The following SEC63 variants were observed in gnomAD, a reference collection of about 807,000 sequenced individuals.
SEC63 encodes the protein translocation protein SEC63 homolog.
In SEC63, 56 loss-of-function variants were observed where a neutral mutation model predicts 116.2. The observed-to-expected ratio is 0.48, with a 90% CI of 0.39 to 0.60. SEC63 has a LOEUF of 0.60. SEC63 is among the 20% of genes least tolerant of loss of function. The pLI is 0.00. For synonymous variants in SEC63, 273 were observed against 294.6 expected (o/e 0.93, Z 0.75); for missense variants, 668 against 900.0 (o/e 0.74, Z 3.30).
chr6:107,899,241 C>A (rs1023373078), intron 13 of SEC63, among the ~76,000 whole-genome samples: 1 of 152,182 alleles, frequency 6.6e-6, no homozygotes, highest in Non-Finnish European at 1.5e-5. Flanking sequence ...TTCTTCTACT[C>A]CTCCTTCACC....
Position 107,871,429 on chromosome 6 carries a change from A to G in SEC63, c.*275T>C, listed in dbSNP as rs528561785. ...ACTGATCAGATAATACATAGCCCAC[A>G]CTTCTGGACAGTTATAATAACAAAG... On this transcript the variant is annotated 3_prime_UTR_variant, in exon 21 of 21. Transcript: ENST00000369002. 8.0e-5 allele frequency: 35 copies of G among 438,400 alleles called. No homozygotes were observed. The highest frequency in any genetic ancestry group is 2.8e-4 in the Admixed American group (8 of 28,746). The allele number at this position is 438,400 out of a possible 1,614,324, so 27.2% of individuals were successfully genotyped here.
chr6:107,916,736 T>C (rs1787408682), intron 4 of SEC63, among the ~76,000 whole-genome samples: 1 of 152,222 alleles, frequency 6.6e-6, no homozygotes, highest in Admixed American at 6.5e-5. Flanking sequence ...TATGTGATCT[T>C]TGACATTTCT....
chr6:107,881,334 G>T, intron 17 of SEC63, 84 bp from the exon 18 acceptor site: 2 of 892,540 alleles, frequency 2.2e-6, no homozygotes, highest in African/African-American at 1.7e-5. Context: ...TCCTGACAAT[G>T]CTAATTAACT....
intron 16 of SEC63, among the ~76,000 whole-genome samples, chr6:107,883,964 A>C (rs529417497): frequency 6.6e-6 from 1 of 152,102 alleles, no homozygotes; most frequent in African/African-American, 2.4e-5. Flanking sequence ...AAGAAAGCAG[A>C]AACAGGCGGG....
chr6:107,903,201 A>G (rs1787048566), intron 11 of SEC63, among the ~76,000 whole-genome samples: 3 of 152,194 alleles, frequency 2.0e-5, no homozygotes. Context: ...AGCAACAACC[A>G]TTGATTTAAA....
chr6:107,909,952 T>C (rs1030715895), intron 7 of SEC63, among the ~76,000 whole-genome samples: 17 of 152,178 alleles, frequency 1.1e-4, no homozygotes, highest in African/African-American at 3.6e-4. Context: ...TTTTAAAAAA[T>C]GAGGCTTTTC....
chr6:107,921,376 T>C (rs1244727923), intron 4 of SEC63, among the ~76,000 whole-genome samples: 1 of 152,130 alleles, frequency 6.6e-6, no homozygotes, highest in Non-Finnish European at 1.5e-5. Flanking sequence ...CCCTAAATGA[T>C]AGACTCAACA....
intron 1 of SEC63, among the ~76,000 whole-genome samples, chr6:107,950,431 C>T (rs1015574098): frequency 8.5e-5 from 13 of 152,124 alleles, no homozygotes; most frequent in African/African-American, 3.1e-4. Context: ...ATCTAACAGA[C>T]ATATACAACG....
chr6:107,887,754 A>G (rs1786568521), intron 16 of SEC63, among the ~76,000 whole-genome samples: 1 of 152,128 alleles, frequency 6.6e-6, no homozygotes, highest in Non-Finnish European at 1.5e-5. Flanking sequence ...ATAACTAAAA[A>G]AAAAATTTTT....
rs146356790 is a variant in SEC63, at chr6:107,951,330, T to G, written c.124+6556A>C. ...TTAATAGACAACTATGATAAACTGA[T>G]TGTAAACTTGTATCATTAAAGTTGT... On this transcript the variant is annotated intron_variant, in intron 1 of 20. Transcript: ENST00000369002. Among the ~76,000 whole-genome samples the G allele has an allele frequency of 1.1e-3, 164 of 152,348 alleles. 3 individuals carry two copies. Among genetic ancestry groups the G allele is most frequent in the Admixed American group, 7.8e-3 (120 of 15,298 alleles).
At chr6:107,930,627 G>T (rs1015015986) in intron 1 of SEC63, among the ~76,000 whole-genome samples, 12 of 151,058 alleles carry the variant, frequency 7.9e-5, no homozygotes, top group African/African-American at 2.9e-4. Flanking sequence ...AAAAAAAAAA[G>T]TAGAGTAAAA....
chr6:107,884,350 G>A (rs1583726731), intron 16 of SEC63, among the ~76,000 whole-genome samples: 1 of 150,228 alleles, frequency 6.7e-6, no homozygotes, highest in Admixed American at 6.6e-5. Context: ...TAAACCCCTA[G>A]GCAAGAATGA....
rs762468626 is a variant in SEC63, at chr6:107,904,604, A to T, written c.1054+25T>A. ...ATATGCTTGCAAGAAAAAGTATAACATAATTAACTATATTTCCTCCTCACC... is the reference window on the plus strand; with the variant it reads ...ATATGCTTGCAAGAAAAAGTATAACTTAATTAACTATATTTCCTCCTCACC... On this transcript the variant is annotated intron_variant, in intron 11 of 20. Transcript: ENST00000369002. The T allele has an allele frequency of 1.8e-5, 28 of 1,539,158 alleles. 1 individual carries two copies. In the South Asian group the frequency reaches 2.3e-4, roughly 13 times the overall value.
intron 13 of SEC63, among the ~76,000 whole-genome samples, chr6:107,900,622 T>C (rs1216152115): frequency 6.6e-6 from 1 of 152,178 alleles, no homozygotes; most frequent in African/African-American, 2.4e-5. Context: ...CACTCCAGCC[T>C]GGACGACAGA....
intron 1 of SEC63, among the ~76,000 whole-genome samples, chr6:107,953,131 G>A (rs371362940): frequency 2.2e-4 from 34 of 152,120 alleles, no homozygotes; most frequent in East Asian, 7.7e-4. Context: ...ATGGTGGCTC[G>A]CGCCAGTTTT....
chr6:107,941,670 A>T (rs1289423668), intron 1 of SEC63, among the ~76,000 whole-genome samples: 1 of 152,240 alleles, frequency 6.6e-6, no homozygotes, highest in Non-Finnish European at 1.5e-5. Flanking sequence ...AGAGTTGGCG[A>T]GGTTGAACGT....
intron 1 of SEC63, among the ~76,000 whole-genome samples, chr6:107,955,237 T>C (rs951955431): frequency 1.3e-5 from 2 of 152,126 alleles, no homozygotes; most frequent in African/African-American, 4.8e-5. Flanking sequence ...TCTCGGCTCA[T>C]TGCAACCTCC....
At chr6:107,914,725 C>T (rs1029571055) in intron 4 of SEC63, among the ~76,000 whole-genome samples, 1 of 152,152 alleles carries the variant, frequency 6.6e-6, no homozygotes, top group Non-Finnish European at 1.5e-5. Context: ...CAACTGTCCA[C>T]CCAACTCAGA....
At position 107,958,043 on chromosome 6, in the gene SEC63, C is replaced by T. The variant is rs201065917; in HGVS notation, c.-34G>A. ...CTCCTCCGCCTCGCTCTTCTCACCG[C>T]CGCCGCCACGACCACGCTCTGCACT... On this transcript the variant is annotated 5_prime_UTR_variant, in exon 1 of 21. Transcript: ENST00000369002. 2.5e-6 allele frequency: 4 copies of T among 1,611,822 alleles called. No individual in the cohort carries two copies. The East Asian group carries it at 8.9e-5, about 36-fold the overall frequency.
Sources: allele counts gnomAD v4.1 joint callset (sites outside exome capture counted in the v4.1 genomes callset), GRCh38; gene constraint gnomAD v4.1.1; transcripts MANE v1.5; gene names NCBI Gene and HGNC (gene_info 2026-07-23, HGNC 2026-07-21).